The following CCDC50 variants were observed in gnomAD, a reference collection of about 807,000 sequenced individuals.
CCDC50 encodes coiled-coil domain-containing protein 50.
CCDC50 carries 54 observed loss-of-function variants against 70.2 expected under a neutral mutation model. The ratio of observed to expected loss-of-function variants is 0.77; its 90% CI spans 0.62 to 0.96. CCDC50 has a LOEUF of 0.96. Among genes scored for constraint, CCDC50 ranks in the 50% least tolerant of loss-of-function variants. CCDC50 has a pLI of 0.00. For missense variants in CCDC50, 558 were observed against 578.7 expected, an observed-to-expected ratio of 0.96 and a Z score of 0.37; for synonymous variants, 216 against 198.8, an observed-to-expected ratio of 1.09 and a Z score of -0.73.
intron 6 of CCDC50, among the ~76,000 whole-genome samples, chr3:191,379,910 T>C (rs896437926): frequency 1.6e-4 from 25 of 152,086 alleles, no homozygotes; most frequent in African/African-American, 2.2e-4. Context: ...GCAGAAACTA[T>C]GTGAGAGGGG....
intron 10 of CCDC50, among the ~76,000 whole-genome samples, chr3:191,383,610 G>T (rs990204279): frequency 6.6e-6 from 1 of 151,988 alleles, no homozygotes; most frequent in African/African-American, 2.4e-5. Context: ...TTGAATAATT[G>T]ACACTGTTGT....
In CCDC50 at chr3:191,395,550, A is replaced by G. The variant is rs1390991780; in HGVS notation, c.*3790A>G. The G allele has an allele frequency of 6.6e-6, 1 of 152,170 alleles. No homozygotes were observed. Among genetic ancestry groups the G allele is most frequent in the South Asian group, 2.1e-4 (1 of 4,820 alleles). The allele number at this position is 152,170 out of a possible 1,614,324, so 9.4% of individuals were successfully genotyped here. A position where few individuals can be genotyped will look rare whatever the true frequency, so the allele number is the denominator to read the frequency against. The stretch of plus-strand genomic sequence containing the variant: ...AGATAACTATGATGATTGGCTGTAA[A>G]ATCTTCACCCTAATAAAGGAGTGAG... On this transcript the variant is annotated 3_prime_UTR_variant, in exon 12 of 12. Transcript: ENST00000392455.
rs189482521 is a variant in CCDC50, at chr3:191,357,870, G to A, written c.113-128G>A. On this transcript the variant is annotated intron_variant, in intron 2 of 11. Transcript: ENST00000392455. ...TCCTTGCTCTTTATTATATATTGTT[G>A]TTGAGACAATAAAATGAAGTGATGG... The A allele has an allele frequency of 5.3e-5, 61 of 1,151,646 alleles. 1 individual carries two copies. The Admixed American group carries it at 8.2e-4, about 15-fold the overall frequency. 71.3% of individuals were successfully genotyped at this position (1,151,646 alleles called of 1,614,324 possible).
chr3:191,383,853 G>C (rs1036152509), intron 10 of CCDC50, among the ~76,000 whole-genome samples: 4 of 152,116 alleles, frequency 2.6e-5, no homozygotes, highest in African/African-American at 9.7e-5. Context: ...CATTTTCTTA[G>C]AACTCTATAG....
intron 5 of CCDC50, among the ~76,000 whole-genome samples, chr3:191,370,478 GT>G (rs1045993931): frequency 1.6e-5 from 2 of 128,556 alleles, no homozygotes; most frequent in Non-Finnish European, 3.4e-5. Flanking sequence ...TTTTTTGTTT[GT>G]TTTTTTGTTT....
At chr3:191,390,337 A>T (rs953181357) in intron 11 of CCDC50, among the ~76,000 whole-genome samples, 12 of 78,618 alleles carry the variant, frequency 1.5e-4, no homozygotes, top group African/African-American at 4.1e-4. Context: ...AAAAATAGGG[A>T]TACCTCAATT....
chr3:191,366,045 C>T (rs554144310), intron 4 of CCDC50, among the ~76,000 whole-genome samples: 1 of 152,250 alleles, frequency 6.6e-6, no homozygotes, highest in Non-Finnish European at 1.5e-5. Context: ...CACCATGTTT[C>T]AGTTACTTGT....
rs1277461530 is a variant in CCDC50, at chr3:191,392,962, C to CCCTGA, written c.*1206_*1210dup. 1.3e-5 allele frequency: 2 copies of CCCTGA among 152,010 alleles called. No homozygotes were observed. The highest frequency in any genetic ancestry group is 2.9e-5 in the Non-Finnish European group (2 of 68,020). The allele number at this position is 152,010 out of a possible 1,614,324, so 9.4% of individuals were successfully genotyped here. Reference sequence around the variant, plus strand: ...CATGTTGGCCAGGCTGGTCTCGAACCCCTGACCTCAAGTGATCCACCTGCC... The same window carrying CCCTGA: ...CATGTTGGCCAGGCTGGTCTCGAACCCCTGACCTGACCTCAAGTGATCCACCTGCC... On this transcript the variant is annotated 3_prime_UTR_variant, in exon 12 of 12. Transcript: ENST00000392455.
chr3:191,389,753 C>G, intron 11 of CCDC50, 151 bp downstream of exon 11: 1 of 654,800 alleles, frequency 1.5e-6, no homozygotes. Context: ...TTTATTAAAA[C>G]AGTAACAAAA....
In CCDC50 at chr3:191,375,731, A is replaced by G. The variant is rs1713091032; in HGVS notation, c.976+142A>G. The stretch of plus-strand genomic sequence containing the variant: ...GAAATAAATCCTAGAGCAACATATT[A>G]TAAAAGGTATACACTTAATCTCAGG... On this transcript the variant is annotated intron_variant, in intron 6 of 11. Coordinates refer to ENST00000392455, the MANE Select transcript of CCDC50 (RefSeq NM_178335.3). 5 of 884,304 alleles carry G rather than the reference A, an allele frequency of 5.7e-6. No individual in the cohort carries two copies. In the South Asian group the frequency reaches 6.5e-5, roughly 11 times the overall value. 54.8% of individuals were successfully genotyped at this position (884,304 alleles called of 1,614,324 possible).
chr3:191,395,799 C>G lies in CCDC50; in HGVS notation c.*4039C>G, dbSNP rs986251832. ...AAATTACTTTGTCTATTACTTACTG[C>G]TCATAGAGAAGTGACTATATAAAAT... is the stretch of plus-strand genomic sequence containing the variant. On this transcript the variant is annotated 3_prime_UTR_variant, in exon 12 of 12. Coordinates refer to ENST00000392455, the MANE Select transcript of CCDC50 (RefSeq NM_178335.3). The G allele has an allele frequency of 4.6e-5, 7 of 152,292 alleles. No individual in the cohort carries two copies. The highest frequency in any genetic ancestry group is 1.0e-4 in the Non-Finnish European group (7 of 68,012). 9.4% of individuals were successfully genotyped at this position (152,292 alleles called of 1,614,324 possible).
At chr3:191,341,577 G>A (rs1711733851) in intron 1 of CCDC50, among the ~76,000 whole-genome samples, 1 of 152,194 alleles carries the variant, frequency 6.6e-6, no homozygotes, top group Non-Finnish European at 1.5e-5. Flanking sequence ...CTCCTCACTG[G>A]AGTCTCTCAG....
intron 6 of CCDC50, among the ~76,000 whole-genome samples, chr3:191,379,641 G>T (rs140230052): frequency 1.6e-4 from 24 of 152,176 alleles, no homozygotes; most frequent in African/African-American, 5.8e-4. Context: ...GCCATGGCAG[G>T]ACCACTGCTT....
intron 1 of CCDC50, among the ~76,000 whole-genome samples, chr3:191,355,670 A>G (rs1362851863): frequency 6.6e-6 from 1 of 152,088 alleles, no homozygotes; most frequent in East Asian, 1.9e-4. Flanking sequence ...TCTGTGAAAC[A>G]TAAGGTAACT....
chr3:191,348,320 T>A (rs1375443399), intron 1 of CCDC50, among the ~76,000 whole-genome samples: 3 of 142,014 alleles, frequency 2.1e-5, no homozygotes, highest in Non-Finnish European at 4.8e-5. Context: ...CCATTCTCTG[T>A]GTTTCATTCT....
chr3:191,372,650 TTATC>T (rs1398373213), intron 5 of CCDC50, among the ~76,000 whole-genome samples: 1 of 152,134 alleles, frequency 6.6e-6, no homozygotes, highest in African/African-American at 2.4e-5. Flanking sequence ...CTTTAATACA[TTATC>T]TATTAGAATG....
intron 2 of CCDC50, 60 bp from the exon 3 acceptor site, chr3:191,357,938 G>A (rs1456438839): frequency 1.2e-6 from 2 of 1,605,094 alleles, no homozygotes; most frequent in Non-Finnish European, 1.7e-6. Flanking sequence ...GATTATTATG[G>A]CATTTATTAC....
chr3:191,360,426 T>C (rs1712443753), intron 3 of CCDC50, among the ~76,000 whole-genome samples: 1 of 152,208 alleles, frequency 6.6e-6, no homozygotes, highest in Non-Finnish European at 1.5e-5. Flanking sequence ...ATGTAGTTAT[T>C]AGTCAATTAA....
At position 191,358,199 on chromosome 3, in the gene CCDC50, A is replaced by G. The variant is rs997333718; in HGVS notation, c.239+75A>G. The G allele has an allele frequency of 1.1e-5, 17 of 1,562,670 alleles. No individual in the cohort carries two copies. The Middle Eastern group carries it at 5.4e-4, about 50-fold the overall frequency. ...GGAGCTAGCAACCAGGGCAGGGGAG[A>G]AGGAGACTACTTCTGTTCCTCTGAT... is the stretch of plus-strand genomic sequence containing the variant. On this transcript the variant is annotated intron_variant, in intron 3 of 11. Transcript: ENST00000392455.
Sources: allele counts gnomAD v4.1 joint callset (sites outside exome capture counted in the v4.1 genomes callset), GRCh38; gene constraint gnomAD v4.1.1; transcripts MANE v1.5; gene names NCBI Gene and HGNC (gene_info 2026-07-23, HGNC 2026-07-21).